The following MYLK3 variants were observed in gnomAD, a reference collection of about 807,000 sequenced individuals.
MYLK3 encodes the protein myosin light chain kinase 3.
A neutral mutation model predicts 76.3 loss-of-function variants in MYLK3; 55 were observed. The ratio of observed to expected loss-of-function variants is 0.72; its 90% CI spans 0.58 to 0.90. The LOEUF (loss-of-function observed/expected upper bound fraction) is 0.90, where lower values mean the gene tolerates loss of function less well. MYLK3 is among the 40% of genes least tolerant of loss of function. MYLK3 has a pLI of 0.00. For missense variants in MYLK3, 973 were observed against 1,053.6 expected, an observed-to-expected ratio of 0.92 and a Z score of 1.06; for synonymous variants, 416 against 425.4, an observed-to-expected ratio of 0.98 and a Z score of 0.27.
chr16:46,739,798 T>A (rs1358036893), intron 2 of MYLK3, among the ~76,000 whole-genome samples: 2 of 152,234 alleles, frequency 1.3e-5, no homozygotes, highest in Non-Finnish European at 2.9e-5. Flanking sequence ...AAATTATACT[T>A]GAATTTTCAA....
At position 46,732,288 on chromosome 16, in the gene MYLK3, T is replaced by C; in HGVS notation, c.1382A>G (p.Asp461Gly). ...TCTCACCGGAGCCCTGGCTGCACAG[T>C]CCTGCTCAGGCTCAGGGTTTCCCGC... ...PGAGNPEPEQ[D>G]CAARAPVRAE... Residue 461 changes from aspartate to glycine, a missense_variant, in exon 4 of 13, where the codon GAC becomes GGC. By Grantham distance (94) the Asp-to-Gly change is moderately conservative. Transcript: ENST00000394809. 6.2e-7 allele frequency: 1 copy of C among 1,609,046 alleles called. No individual in the cohort carries two copies. The highest frequency in any genetic ancestry group is 8.5e-7 in the Non-Finnish European group (1 of 1,179,996).
rs1480468885 is a variant in MYLK3 at position 46,727,468 on chromosome 16, C to T, written c.1773-91G>A. 17 of 1,408,638 alleles carry T rather than the reference C, an allele frequency of 1.2e-5. No individual in the cohort carries two copies. The East Asian group carries it at 2.0e-4, about 17-fold the overall frequency. 87.3% of individuals were successfully genotyped at this position (1,408,638 alleles called of 1,614,324 possible). A position where few individuals can be genotyped will look rare whatever the true frequency, so the allele number is the denominator to read the frequency against. ...ATTATAGGGCCAAAAGAGGCCAGCC[C>T]GGGTAGGCCCACCATCACACCCCAT... is the stretch of plus-strand genomic sequence containing the variant. On this transcript the variant is annotated intron_variant, in intron 7 of 12. Coordinates refer to ENST00000394809, the MANE Select transcript of MYLK3 (RefSeq NM_182493.3).
At chr16:46,756,616 T>G (rs1596780045) in intron 1 of MYLK3, among the ~76,000 whole-genome samples, 1 of 152,272 alleles carries the variant, frequency 6.6e-6, no homozygotes, top group East Asian at 1.9e-4. Flanking sequence ...AAAGGTCTTG[T>G]TCTAACAAAA....
rs1245630116 is a variant in MYLK3, at chr16:46,707,522, C to G, written c.*182G>C. 1.5e-5 allele frequency: 8 copies of G among 542,246 alleles called. No individual in the cohort carries two copies. Among genetic ancestry groups the G allele is most frequent in the Non-Finnish European group, 2.6e-5 (8 of 306,512 alleles). The allele number at this position is 542,246 out of a possible 1,614,324, so 33.6% of individuals were successfully genotyped here. On this transcript the variant is annotated 3_prime_UTR_variant, in exon 13 of 13. Coordinates refer to ENST00000394809, the MANE Select transcript of MYLK3 (RefSeq NM_182493.3). ...ATCTTACAAGGCAGAAAAAAACGTT[C>G]TTAGGAAGCTTCTTTACAGCCACTT...
rs1224858763 is a variant in MYLK3 at position 46,729,148 on chromosome 16, A to G, written c.1663-15T>C. On this transcript the variant is annotated splice_polypyrimidine_tract_variant and intron_variant, in intron 6 of 12. Transcript: ENST00000394809. Reference sequence around the variant, plus strand: ...TTCACGTCCTCCTTGGGGGAACCAGAGGACAGAAGGATTTCCAAGCGAATG... The same window carrying G: ...TTCACGTCCTCCTTGGGGGAACCAGGGGACAGAAGGATTTCCAAGCGAATG... 1.9e-6 allele frequency: 3 copies of G among 1,604,458 alleles called. No homozygotes were observed. The highest frequency in any genetic ancestry group is 2.6e-6 in the Non-Finnish European group (3 of 1,171,146).
chr16:46,722,773 G>A (rs1006814358), intron 8 of MYLK3, among the ~76,000 whole-genome samples: 1 of 152,170 alleles, frequency 6.6e-6, no homozygotes, highest in Admixed American at 6.5e-5. Flanking sequence ...GCAGTGACAC[G>A]ATCTCGGCTC....
At chr16:46,760,535 GAGAAAGTGGGAC>G (rs1187918801) in intron 1 of MYLK3, among the ~76,000 whole-genome samples, 1 of 152,180 alleles carries the variant, frequency 6.6e-6, no homozygotes, top group African/African-American at 2.4e-5. Flanking sequence ...AGGAACAACA[GAGAAAGTGGGAC>G]AGTCGCTAAC....
intron 8 of MYLK3, chr16:46,726,632 G>T (rs1185855429): frequency 8.0e-6 from 1 of 124,744 alleles, no homozygotes; most frequent in East Asian, 2.4e-4. Context: ...GAAAGAAAAA[G>T]AAAGTGAGAG....
chr16:46,731,965 T>C (rs1456110986), intron 4 of MYLK3, among the ~76,000 whole-genome samples: 1 of 151,922 alleles, frequency 6.6e-6, no homozygotes, highest in Non-Finnish European at 1.5e-5. Context: ...AAAAAGGAAA[T>C]GTACCCAGGT....
intron 10 of MYLK3, 21 bp downstream of exon 10, chr16:46,712,627 G>A: frequency 1.4e-6 from 2 of 1,432,214 alleles, no homozygotes; most frequent in Non-Finnish European, 1.8e-6. Context: ...CCACTTCAGA[G>A]CCAGGGTGCT....
chr16:46,723,007 T>C (rs896799388), intron 8 of MYLK3, among the ~76,000 whole-genome samples: 1 of 152,222 alleles, frequency 6.6e-6, no homozygotes, highest in African/African-American at 2.4e-5. Flanking sequence ...CCCCTCACCA[T>C]TTTAAAGTGT....
chr16:46,704,665 T>C lies in MYLK3; in HGVS notation c.*3039A>G, dbSNP rs1966608340. 1 of 152,204 alleles carries C rather than the reference T, an allele frequency of 6.6e-6. No homozygotes were observed. The highest frequency in any genetic ancestry group is 2.1e-4 in the South Asian group (1 of 4,830). The allele number at this position is 152,204 out of a possible 1,614,324, so 9.4% of individuals were successfully genotyped here. A position where few individuals can be genotyped will look rare whatever the true frequency, so the allele number is the denominator to read the frequency against. ...ATAAATTATTAAAATTGGCTTTCAA[T>C]GGGTTTTGTTAGAGAAGCTACTAGA... On this transcript the variant is annotated 3_prime_UTR_variant, in exon 13 of 13. Coordinates refer to ENST00000394809, the MANE Select transcript of MYLK3 (RefSeq NM_182493.3).
In MYLK3 at chr16:46,758,202, G is replaced by A. The variant is rs377237639; in HGVS notation, c.-114+4838C>T. On this transcript the variant is annotated intron_variant, in intron 1 of 11. Transcript: ENST00000536476. ...CTCCCTGGCCAGATCTTCCCAAAGC[G>A]CCTGGGAGAGACCAAGCTATACACA... Among the ~76,000 whole-genome samples the A allele has an allele frequency of 1.1e-4, 17 of 151,394 alleles. No homozygotes were observed. In the East Asian group the frequency reaches 1.6e-3, roughly 14 times the overall value.
rs554733356 is a variant in MYLK3, at chr16:46,746,398, G to A, written c.477+1319C>T. 1.1e-3 allele frequency among the ~76,000 whole-genome samples: 172 copies of A among 152,232 alleles called. 1 individual carries two copies. The highest frequency in any genetic ancestry group is 4.0e-3 in the African/African-American group (166 of 41,542). ...CAGATGTAGAACCCACAAATATGGA[G>A]GGCTGACTATAATTAAATTAAATTT... is the stretch of plus-strand genomic sequence containing the variant. On this transcript the variant is annotated intron_variant, in intron 1 of 12. Coordinates refer to ENST00000394809, the MANE Select transcript of MYLK3 (RefSeq NM_182493.3).
intron 1 of MYLK3, among the ~76,000 whole-genome samples, chr16:46,757,879 T>C (rs1967220872): frequency 6.6e-6 from 1 of 152,084 alleles, no homozygotes; most frequent in Non-Finnish European, 1.5e-5. Context: ...CACATCCGGG[T>C]GCAGGGGCCC....
At chr16:46,756,951 T>C (rs1419111337) in intron 1 of MYLK3, among the ~76,000 whole-genome samples, 1 of 152,138 alleles carries the variant, frequency 6.6e-6, no homozygotes, top group Non-Finnish European at 1.5e-5. Context: ...GCAATGTGCT[T>C]GCTCAGTCAC....
intron 3 of MYLK3, among the ~76,000 whole-genome samples, chr16:46,734,598 G>C (rs1186741393): frequency 1.3e-5 from 2 of 152,008 alleles, no homozygotes; most frequent in Non-Finnish European, 2.9e-5. Context: ...TCCAGCCTGG[G>C]TGACACAGTG....
intron 1 of MYLK3, among the ~76,000 whole-genome samples, chr16:46,759,774 G>A (rs1967252031): frequency 6.6e-6 from 1 of 151,984 alleles, no homozygotes; most frequent in Non-Finnish European, 1.5e-5. Flanking sequence ...ATGACAGGCA[G>A]GCGGGCACCA....
chr16:46,719,320 C>A (rs1463692186), intron 9 of MYLK3, among the ~76,000 whole-genome samples: 1 of 144,898 alleles, frequency 6.9e-6, no homozygotes, highest in African/African-American at 2.6e-5. Flanking sequence ...GCATGAGACT[C>A]GGTCTCAAAA....
Sources: allele counts gnomAD v4.1 joint callset (sites outside exome capture counted in the v4.1 genomes callset), GRCh38; gene constraint gnomAD v4.1.1; transcripts MANE v1.5; gene names NCBI Gene and HGNC (gene_info 2026-07-23, HGNC 2026-07-21).